Variants in KDM2B observed in about 807,000 individuals in gnomAD.
KDM2B encodes the protein lysine demethylase 2B.
A neutral mutation model predicts 150.0 loss-of-function variants in KDM2B; 26 were observed. That is an observed-to-expected ratio of 0.17 (90% CI 0.13 to 0.24). The LOEUF (loss-of-function observed/expected upper bound fraction) is 0.24, where lower values mean the gene tolerates loss of function less well. KDM2B is among the 10% of genes least tolerant of loss of function. The pLI is 1.00. For synonymous variants in KDM2B, 734 were observed against 729.5 expected (o/e 1.01, Z -0.10); for missense variants, 1,265 against 1,816.9 (o/e 0.70, Z 5.52).
In KDM2B at chr12:121,430,458, C is replaced by T; in HGVS notation, c.3841G>A (p.Val1281Ile). The T allele has an allele frequency of 6.2e-7, 1 of 1,613,690 alleles. No individual in the cohort carries two copies. The highest frequency in any genetic ancestry group is 8.5e-7 in the Non-Finnish European group (1 of 1,179,646). ...TEINLSDCNKVTDQCLSFFKR... is the reference protein window; with the variant it reads ...TEINLSDCNKITDQCLSFFKR... ...AAGAAGGACAGGCACTGATCAGTGACCTTATTGCAGTCTGCAGAGAAGAAA... is the reference window on the plus strand; with the variant it reads ...AAGAAGGACAGGCACTGATCAGTGATCTTATTGCAGTCTGCAGAGAAGAAA... Residue 1281 changes from valine (V) to isoleucine (I), a missense_variant, in exon 23 of 23, where the codon GTC (valine) becomes ATC (isoleucine). This residue lies in a region of KDM2B where 251 missense variants were observed against 397.8 expected (regional missense o/e 0.63). Coordinates refer to ENST00000377071, the MANE Select transcript of KDM2B (RefSeq NM_032590.5). The surrounding 1 kb of genome is among the most constrained non-coding windows in gnomAD (Gnocchi z 4.4).
chr12:121,555,575 A>G (rs1443511847), intron 4 of KDM2B, among the ~76,000 whole-genome samples: 1 of 152,058 alleles, frequency 6.6e-6, no homozygotes, highest in Admixed American at 6.6e-5. Context: ...GTTTCGCCAT[A>G]TTGCCCAGGC....
upstream of KDM2B, chr12:121,581,061 G>T: frequency 9.6e-7 from 1 of 1,040,718 alleles, no homozygotes; most frequent in Non-Finnish European, 1.3e-6. Context: ...GCAGTCCGCA[G>T]CTGACCGGAA....
intron 6 of KDM2B, among the ~76,000 whole-genome samples, chr12:121,540,799 A>G (rs372925115): frequency 6.6e-6 from 1 of 150,524 alleles, no homozygotes; most frequent in Non-Finnish European, 1.5e-5. Context: ...CAGAATTCCA[A>G]TGCAGCCACA....
intron 12 of KDM2B, among the ~76,000 whole-genome samples, chr12:121,460,379 A>G (rs1013902973): frequency 6.6e-6 from 1 of 152,228 alleles, no homozygotes; most frequent in Non-Finnish European, 1.5e-5. Context: ...CAGTAAGCCA[A>G]GATCGTGCCC....
intron 12 of KDM2B, among the ~76,000 whole-genome samples, chr12:121,463,931 A>G (rs939013216): frequency 6.6e-6 from 1 of 151,498 alleles, no homozygotes; most frequent in Non-Finnish European, 1.5e-5. Context: ...CATCAAGAGA[A>G]AAAAAAAAAC....
At chr12:121,519,840 C>A (rs572008339) in intron 9 of KDM2B, among the ~76,000 whole-genome samples, 1 of 152,070 alleles carries the variant, frequency 6.6e-6, no homozygotes, top group African/African-American at 2.4e-5. Flanking sequence ...AAAACAGGAA[C>A]AAGTAGAACA....
chr12:121,484,253 C>A (rs993935356), intron 12 of KDM2B, among the ~76,000 whole-genome samples: 18 of 151,994 alleles, frequency 1.2e-4, no homozygotes, highest in Admixed American at 4.6e-4. Flanking sequence ...GCAACTGGAA[C>A]GCGTCAGCTC....
chr12:121,465,210 G>GGTTT (rs201384818), intron 12 of KDM2B, among the ~76,000 whole-genome samples: 197 of 152,166 alleles, frequency 1.3e-3, no homozygotes, highest in African/African-American at 4.6e-3. Context: ...AGTGAATACA[G>GGTTT]GTTTGTTTGT....
At chr12:121,561,230 G>A (rs553089926) in intron 4 of KDM2B, among the ~76,000 whole-genome samples, 32 of 152,294 alleles carry the variant, frequency 2.1e-4, no homozygotes, top group African/African-American at 7.7e-4. Context: ...GAAGGCTAAT[G>A]TGAAACATAC....
chr12:121,489,678 G>A (rs1883152321), intron 12 of KDM2B, among the ~76,000 whole-genome samples: 2 of 152,118 alleles, frequency 1.3e-5, no homozygotes, highest in Admixed American at 1.3e-4. Flanking sequence ...GGCCTCAAGT[G>A]ATCCACCTGC....
chr12:121,488,061 G>A (rs1266825824), intron 12 of KDM2B, among the ~76,000 whole-genome samples: 1 of 152,052 alleles, frequency 6.6e-6, no homozygotes, highest in East Asian at 1.9e-4. Flanking sequence ...GGGATTATAG[G>A]CGTGAGCCAT....
At chr12:121,556,067 C>G (rs1447728003) in intron 4 of KDM2B, among the ~76,000 whole-genome samples, 7 of 152,032 alleles carry the variant, frequency 4.6e-5, no homozygotes, top group Admixed American at 4.6e-4. Context: ...GCTGGGACTA[C>G]AAGAACGCAC....
At chr12:121,532,096 G>A (rs1465264975) in intron 8 of KDM2B, among the ~76,000 whole-genome samples, 6 of 151,734 alleles carry the variant, frequency 4.0e-5, no homozygotes, top group Non-Finnish European at 8.8e-5. Flanking sequence ...ACCCTAGCCT[G>A]GGTGACAGAG....
At position 121,515,543 on chromosome 12, in the gene KDM2B, C is replaced by T. The variant is rs375102390; in HGVS notation, c.1048-2141G>A. 5.7e-4 allele frequency among the ~76,000 whole-genome samples: 74 copies of T among 130,780 alleles called. No individual in the cohort carries two copies. The South Asian group carries it at 0.014, about 25-fold the overall frequency. The allele number at this position is 130,780 out of a possible 152,430, so 85.8% of individuals were successfully genotyped here. A position where few individuals can be genotyped will look rare whatever the true frequency, so the allele number is the denominator to read the frequency against. On this transcript the variant is annotated intron_variant, in intron 9 of 22. Transcript: ENST00000377071. ...ACCCTCCCCGAATCACACTTGCCCA[C>T]CTCCACTGCCCTGCTCTCTGCTGAC...
chr12:121,492,687 G>A (rs1240101547), intron 12 of KDM2B, among the ~76,000 whole-genome samples: 4 of 151,196 alleles, frequency 2.6e-5, no homozygotes, highest in African/African-American at 7.3e-5. Flanking sequence ...AAATTAGCTG[G>A]GCATGGTGGC....
the KDM2B span, chr12:121,417,714 C>T: frequency 6.2e-7 from 1 of 1,614,176 alleles, no homozygotes. The surrounding 1 kb of genome is among the most constrained non-coding windows in gnomAD (Gnocchi z 5.0). Context: ...CTTGGTGGAT[C>T]TAGTACTGTG....
chr12:121,409,779 T>C, the KDM2B span: 1 of 152,238 alleles, frequency 6.6e-6, no homozygotes, highest in Non-Finnish European at 1.5e-5. Flanking sequence ...GCTACGAAGG[T>C]ACAGGACTAA....
intron 16 of KDM2B, 28 bp from the exon 17 acceptor site, chr12:121,443,821 G>A: frequency 6.9e-7 from 1 of 1,450,978 alleles, no homozygotes; most frequent in African/African-American, 1.4e-5. Context: ...GGGAAGAGGA[G>A]TGACTCGCTG....
intron 10 of KDM2B, among the ~76,000 whole-genome samples, chr12:121,512,646 G>A (rs889546413): frequency 2.5e-4 from 38 of 152,182 alleles, no homozygotes; most frequent in African/African-American, 8.7e-4. Flanking sequence ...GCTGGTCGGG[G>A]CTTGCAGTCA....
Sources: allele counts gnomAD v4.1 joint callset (sites outside exome capture counted in the v4.1 genomes callset), GRCh38; gene constraint gnomAD v4.1.1; regional missense constraint gnomAD v4.1.1; non-coding constraint Gnocchi (gnomAD v3.1); transcripts MANE v1.5; gene names NCBI Gene and HGNC (gene_info 2026-07-23, HGNC 2026-07-21).